Variants in RBFOX1 observed in about 807,000 individuals in gnomAD.
RBFOX1 encodes RNA binding fox-1 homolog 1.
Under a neutral mutation model 57.7 loss-of-function variants are expected in RBFOX1, and 8 were observed. The observed-to-expected ratio is 0.14, with a 90% confidence interval of 0.08 to 0.25. The LOEUF (loss-of-function observed/expected upper bound fraction) is 0.25. Among genes scored for constraint, RBFOX1 ranks in the 10% least tolerant of loss-of-function variants. The pLI is 1.00. For synonymous variants in RBFOX1, 326 were observed against 222.4 expected, an observed-to-expected ratio of 1.47 and a Z score of -4.15; for missense variants, 611 against 548.5, an observed-to-expected ratio of 1.11 and a Z score of -1.14.
chr16:6,131,283 A>G (rs2096627914), intron 1 of RBFOX1, among the ~76,000 whole-genome samples: 1 of 152,146 alleles, frequency 6.6e-6, no homozygotes, highest in African/African-American at 2.4e-5. Flanking sequence ...AGCCCCATGT[A>G]TTGCCACTTG....
chr16:6,472,372 C>T (rs887279845), intron 2 of RBFOX1, among the ~76,000 whole-genome samples: 2 of 152,162 alleles, frequency 1.3e-5, no homozygotes, highest in African/African-American at 4.8e-5. Context: ...TGGCTTCCTT[C>T]CCATCCTGTA....
At chr16:6,795,048 C>T (rs1017673445) in intron 3 of RBFOX1, among the ~76,000 whole-genome samples, 1 of 152,130 alleles carries the variant, frequency 6.6e-6, no homozygotes, top group Non-Finnish European at 1.5e-5. Flanking sequence ...CACATTTTCT[C>T]TTGATAGTTG....
intron 3 of RBFOX1, among the ~76,000 whole-genome samples, chr16:5,608,701 A>G (rs1218227012): frequency 1.3e-5 from 2 of 152,318 alleles, no homozygotes; most frequent in East Asian, 1.9e-4. Flanking sequence ...CAAGCCCTGT[A>G]ATAGTTGTAG....
intron 3 of RBFOX1, among the ~76,000 whole-genome samples, chr16:5,738,635 G>GAAGAAAAAA (rs562651270): frequency 3.4e-4 from 21 of 61,190 alleles, no homozygotes; most frequent in African/African-American, 1.5e-3. Flanking sequence ...CTCTGTCTCA[G>GAAGAAAAAA]AAAAAAAAAA....
chr16:7,671,329 T>C (rs1050388979), intron 13 of RBFOX1, among the ~76,000 whole-genome samples: 1 of 152,196 alleles, frequency 6.6e-6, no homozygotes, highest in Admixed American at 6.5e-5. Context: ...CACAAAGTGG[T>C]TTGATCCCCA....
chr16:7,710,096 A>AGCTTAATTACATCAAGC (rs1341587037), intron 15 of RBFOX1: 2 of 1,004,794 alleles, frequency 2.0e-6, no homozygotes, highest in Non-Finnish European at 2.4e-6. Context: ...GTTTTGCACA[A>AGCTTAATTACATCAAGC]GCTTAATTAC....
At chr16:5,246,626 A>G (rs1199701683) in intron 1 of RBFOX1, among the ~76,000 whole-genome samples, 5 of 151,536 alleles carry the variant, frequency 3.3e-5, no homozygotes, top group Non-Finnish European at 7.4e-5. Context: ...CCTGACAACC[A>G]TCATTCTACT....
chr16:7,133,237 T>C (rs2071008013), intron 4 of RBFOX1, among the ~76,000 whole-genome samples: 2 of 152,188 alleles, frequency 1.3e-5, no homozygotes, highest in Admixed American at 1.3e-4. Context: ...ATTTTCAATA[T>C]ATGACAGAAT....
At chr16:5,742,212 TTTCCTTCCTCCCTTCC>T (rs752672803) in intron 3 of RBFOX1, among the ~76,000 whole-genome samples, 14,960 of 116,498 alleles carry the variant, frequency 0.13, 1,466 homozygotes, top group South Asian at 0.17. Flanking sequence ...TCCTTCCTCC[TTTCCTTCCTCCCTTCC>T]TTCCTTCCTC....
chr16:5,370,829 C>T (rs2065839995), intron 1 of RBFOX1, among the ~76,000 whole-genome samples: 1 of 151,982 alleles, frequency 6.6e-6, no homozygotes, highest in Non-Finnish European at 1.5e-5. Context: ...GCAGTTCCAC[C>T]CACCATCCCC....
chr16:7,014,562 G>A lies in RBFOX1; in HGVS notation c.-15-37495G>A, dbSNP rs939976552. Among the ~76,000 whole-genome samples, 10 of 152,088 alleles carry A rather than the reference G, an allele frequency of 6.6e-5. 1 individual carries two copies. The highest frequency in any genetic ancestry group is 5.2e-4 in the Admixed American group (8 of 15,256). ...GCTAGAATTACAGGAGTGAGACACTGCACCCCGTCTTAAACTGAATTTTAA... is the reference window on the plus strand; with the variant it reads ...GCTAGAATTACAGGAGTGAGACACTACACCCCGTCTTAAACTGAATTTTAA... On this transcript the variant is annotated intron_variant, in intron 3 of 15. Coordinates refer to ENST00000550418, the MANE Select transcript of RBFOX1 (RefSeq NM_018723.4).
chr16:5,901,721 G>T (rs17642774), intron 4 of RBFOX1, among the ~76,000 whole-genome samples: 12 of 152,174 alleles, frequency 7.9e-5, no homozygotes, highest in Non-Finnish European at 1.5e-4. Flanking sequence ...GTTATAGGAC[G>T]TTTTCATCAC....
chr16:6,851,679 G>C (rs1475431061), intron 3 of RBFOX1, among the ~76,000 whole-genome samples: 1 of 152,080 alleles, frequency 6.6e-6, no homozygotes, highest in African/African-American at 2.4e-5. Flanking sequence ...GAGAAGACAT[G>C]GGTGAGATAA....
intron 4 of RBFOX1, among the ~76,000 whole-genome samples, chr16:7,325,584 C>T (rs1240518362): frequency 1.3e-5 from 2 of 152,078 alleles, no homozygotes; most frequent in Non-Finnish European, 1.5e-5. Context: ...GGAGATGTGA[C>T]TTCTCTTCTC....
At chr16:7,556,798 A>G (rs751244032) in intron 5 of RBFOX1, among the ~76,000 whole-genome samples, 2 of 152,208 alleles carry the variant, frequency 1.3e-5, no homozygotes, top group Non-Finnish European at 2.9e-5. Flanking sequence ...CCCATGTGCA[A>G]TGGTATGCAC....
intron 3 of RBFOX1, among the ~76,000 whole-genome samples, chr16:6,841,465 C>T (rs748656924): frequency 7.2e-5 from 11 of 152,124 alleles, no homozygotes; most frequent in South Asian, 2.1e-4. Context: ...AACCCTCATG[C>T]AACCTGAGTG....
intron 3 of RBFOX1, among the ~76,000 whole-genome samples, chr16:6,900,812 T>C (rs904193625): frequency 3.9e-5 from 6 of 152,184 alleles, no homozygotes; most frequent in African/African-American, 1.4e-4. Context: ...TTCCTAATAT[T>C]CCACTTAACA....
chr16:5,555,607 G>A (rs560676457), intron 2 of RBFOX1, among the ~76,000 whole-genome samples: 7 of 152,276 alleles, frequency 4.6e-5, no homozygotes, highest in African/African-American at 1.7e-4. Flanking sequence ...CTTATAGTTG[G>A]AGAGACCGTG....
intron 1 of RBFOX1, among the ~76,000 whole-genome samples, chr16:6,279,121 T>G (rs536439389): frequency 6.6e-6 from 1 of 152,218 alleles, no homozygotes; most frequent in South Asian, 2.1e-4. Context: ...CTTAGTGGAA[T>G]TAACTCTGTT....
Sources: gnomAD v4.1 joint callset for allele counts (sites outside exome capture counted in the v4.1 genomes callset) on GRCh38, gnomAD v4.1.1 for gene constraint, MANE v1.5 for transcripts, NCBI Gene and HGNC (gene_info 2026-07-23, HGNC 2026-07-21) for gene names.